The following KLHL22 variants were observed in gnomAD, a reference collection of about 807,000 sequenced individuals.
The protein encoded by KLHL22 is kelch-like protein 22.
KLHL22 carries 18 observed loss-of-function variants against 60.7 expected under a neutral mutation model. That is an observed-to-expected ratio of 0.30 (90% CI 0.20 to 0.44). The LOEUF is 0.44. Among genes scored for constraint, KLHL22 ranks in the 20% least tolerant of loss-of-function variants. The probability of loss-of-function intolerance (pLI) is 1.00; values close to 1 mark genes in which losing one functional copy is unlikely to be tolerated. For missense variants in KLHL22, 596 were observed against 852.3 expected, an observed-to-expected ratio of 0.70 and a Z score of 3.74; for synonymous variants, 355 against 354.5, an observed-to-expected ratio of 1.00 and a Z score of -0.01.
chr22:20,474,670 G>A (rs2053381590), intron 2 of KLHL22, among the ~76,000 whole-genome samples: 1 of 152,212 alleles, frequency 6.6e-6, no homozygotes, highest in African/African-American at 2.4e-5. Flanking sequence ...GGGATTACAG[G>A]CATGAGCCAC....
intron 1 of KLHL22, among the ~76,000 whole-genome samples, chr22:20,492,857 G>C (rs2053712614): frequency 6.6e-6 from 1 of 152,276 alleles, no homozygotes; most frequent in East Asian, 1.9e-4. Flanking sequence ...CTCCCAAAGT[G>C]CTGGGATTAC....
chr22:20,451,380 C>G (rs2052975714), intron 5 of KLHL22: 5 of 1,611,606 alleles, frequency 3.1e-6, no homozygotes, highest in Middle Eastern at 3.3e-4. Context: ...GTGCCGGACT[C>G]GTAGTGGCCA....
intron 2 of KLHL22, among the ~76,000 whole-genome samples, chr22:20,478,457 A>C (rs2053447244): frequency 6.7e-6 from 1 of 149,692 alleles, no homozygotes; most frequent in Non-Finnish European, 1.5e-5. Context: ...CACCCTCTTC[A>C]GCCTCCCAAA....
chr22:20,446,008 G>A (rs1249672687), intron 6 of KLHL22, among the ~76,000 whole-genome samples: 3 of 152,138 alleles, frequency 2.0e-5, no homozygotes, highest in African/African-American at 7.2e-5. Flanking sequence ...TGATCCTCTC[G>A]CCTTGGCTTC....
At chr22:20,451,313 A>G (rs987003853) in intron 5 of KLHL22, 16 of 1,607,758 alleles carry the variant, frequency 1.0e-5, no homozygotes, top group Non-Finnish European at 1.2e-5. Context: ...ATGGAGCGGT[A>G]TGATCCAAAC....
At position 20,441,764 on chromosome 22, in the gene KLHL22, T is replaced by G; in HGVS notation, c.*309A>C. 7.2e-6 allele frequency: 2 copies of G among 276,966 alleles called. No homozygotes were observed. The highest frequency in any genetic ancestry group is 1.2e-4 in the East Asian group (2 of 16,076). The allele number at this position is 276,966 out of a possible 1,614,324, so 17.2% of individuals were successfully genotyped here. Reference sequence around the variant, plus strand: ...CCCAGGCTGCCAGCTCCCAGGTCCTTTTGGAGAAGGACTGATCTAGGCAGG... The same window carrying G: ...CCCAGGCTGCCAGCTCCCAGGTCCTGTTGGAGAAGGACTGATCTAGGCAGG... On this transcript the variant is annotated 3_prime_UTR_variant, in exon 7 of 7. Transcript: ENST00000328879.
intron 2 of KLHL22, among the ~76,000 whole-genome samples, chr22:20,479,947 A>ACCAAGTATCCC (rs2053472128): frequency 6.6e-6 from 1 of 152,220 alleles, no homozygotes; most frequent in African/African-American, 2.4e-5. Flanking sequence ...ATGGAAGCAA[A>ACCAAGTATCCC]CCAAGTATCC....
intron 2 of KLHL22, among the ~76,000 whole-genome samples, chr22:20,477,658 G>A (rs908319124): frequency 1.3e-5 from 2 of 152,196 alleles, no homozygotes; most frequent in South Asian, 2.1e-4. Context: ...ATGGAGGGAG[G>A]AGAAAGAAGA....
At chr22:20,490,049 G>C (rs9620147) in intron 1 of KLHL22, among the ~76,000 whole-genome samples, 42,374 of 152,062 alleles carry the variant, frequency 0.28, 6,513 homozygotes, top group East Asian at 0.47. Flanking sequence ...TTGCCATGGA[G>C]CAACCAAAAG....
chr22:20,461,550 CAAAAAAA>C (rs362095), intron 4 of KLHL22, among the ~76,000 whole-genome samples: 1 of 64,770 alleles, frequency 1.5e-5, no homozygotes. Context: ...GACTCCAACT[CAAAAAAA>C]AAAAAAAAAA....
chr22:20,465,112 C>A lies in KLHL22; in HGVS notation c.858G>T (p.Leu286=). The change falls in exon 4 of 7, where the codon CTG becomes CTT. Residue 286 remains leucine (L), a synonymous_variant. Transcript: ENST00000328879. The surrounding 1 kb of genome is among the most constrained non-coding windows in gnomAD (Gnocchi z 4.9). ...ACCGCAGCTCCGTTTGCGGGCTCTG[C>A]AGGCTGGGCTGTAGGCTCTCGTTCC... ...YHRNESLQPS[L]QSPQTELRSD... 6.2e-7 allele frequency: 1 copy of A among 1,613,928 alleles called. No individual in the cohort carries two copies. The highest frequency in any genetic ancestry group is 8.5e-7 in the Non-Finnish European group (1 of 1,180,014).
rs759196930 is a variant in KLHL22, at chr22:20,446,625, C to T, written c.1357G>A (p.Gly453Ser). ...TLEGKMYITC[G>S]RRGEDYLKET... ...TTCAGGTAATCCTCCCCTCTGCGGC[C>T]GCAGGTGATATACATCTTCCCCTCC... The change falls in exon 6 of 7, where the codon GGC (glycine) becomes AGC (serine). Residue 453 changes from glycine (G) to serine (S), a missense_variant. Gly to Ser is a moderately conservative substitution (Grantham distance 56). Transcript: ENST00000328879. 4 of 1,613,470 alleles carry T rather than the reference C, an allele frequency of 2.5e-6. No individual in the cohort carries two copies. Among genetic ancestry groups the T allele is most frequent in the Non-Finnish European group, 2.5e-6 (3 of 1,180,032 alleles).
chr22:20,478,508 C>CTTTTT (rs1196419660), intron 2 of KLHL22, among the ~76,000 whole-genome samples: 38 of 67,672 alleles, frequency 5.6e-4, no homozygotes, highest in East Asian at 1.8e-3. Context: ...AAACTTAATT[C>CTTTTT]TTTTTTTTTT....
chr22:20,445,173 G>A (rs948281800), intron 6 of KLHL22, among the ~76,000 whole-genome samples: 6 of 151,386 alleles, frequency 4.0e-5, no homozygotes, highest in Admixed American at 4.0e-4. Flanking sequence ...GTACTGCAGG[G>A]GCCTGATTAT....
At chr22:20,487,666 G>A (rs369140443) in intron 2 of KLHL22, among the ~76,000 whole-genome samples, 238 of 152,272 alleles carry the variant, frequency 1.6e-3, no homozygotes, top group East Asian at 0.013. Flanking sequence ...TAATCATCCC[G>A]GAGAGCAGGA....
intron 2 of KLHL22, among the ~76,000 whole-genome samples, chr22:20,487,809 G>C (rs2053610674): frequency 6.6e-6 from 1 of 152,190 alleles, no homozygotes; most frequent in Non-Finnish European, 1.5e-5. Flanking sequence ...TTCAGAAAGA[G>C]TGGTATGACA....
At chr22:20,486,750 C>T (rs1347755441) in intron 2 of KLHL22, among the ~76,000 whole-genome samples, 3 of 151,040 alleles carry the variant, frequency 2.0e-5, no homozygotes, top group Non-Finnish European at 4.4e-5. Flanking sequence ...GGCGCAATCT[C>T]GGCTCACTGC....
chr22:20,451,764 C>G lies in KLHL22; in HGVS notation c.1306-5088G>C. Reference sequence around the variant, plus strand: ...ACCCTATCATCAACAGCTGGGAAGTCGTGACATCCATGGGAACCCAGCGCT... The same window carrying G: ...ACCCTATCATCAACAGCTGGGAAGTGGTGACATCCATGGGAACCCAGCGCT... On this transcript the variant is annotated intron_variant, in intron 5 of 6. Transcript: ENST00000328879. The G allele has an allele frequency of 1.9e-6, 3 of 1,586,182 alleles. No individual in the cohort carries two copies. The South Asian group carries it at 3.3e-5, about 18-fold the overall frequency.
chr22:20,488,643 T>A, intron 2 of KLHL22: 1 of 258,196 alleles, frequency 3.9e-6, no homozygotes, highest in Non-Finnish European at 7.1e-6. Flanking sequence ...AGGTGATGCA[T>A]ACACAGCAAT....
Sources: gnomAD v4.1 joint callset for allele counts (sites outside exome capture counted in the v4.1 genomes callset) on GRCh38, gnomAD v4.1.1 for gene constraint, Gnocchi (gnomAD v3.1) non-coding constraint, MANE v1.5 for transcripts, NCBI Gene and HGNC (gene_info 2026-07-23, HGNC 2026-07-21) for gene names.